Variants in CCDC88C observed in about 807,000 individuals in gnomAD.
The protein encoded by CCDC88C is protein Daple.
CCDC88C carries 131 observed loss-of-function variants against 198.8 expected under a neutral mutation model. That is an observed-to-expected ratio of 0.66 (90% CI 0.57 to 0.76). The LOEUF (loss-of-function observed/expected upper bound fraction) is 0.76, where lower values mean the gene tolerates loss of function less well. Ranked by LOEUF, CCDC88C falls within the 30% of genes least tolerant of loss-of-function variation. The pLI, the probability that CCDC88C is intolerant of heterozygous loss-of-function variation, is 0.00. For missense variants in CCDC88C, 2,553 were observed against 2,631.6 expected (o/e 0.97, Z 0.65); for synonymous variants, 1,166 against 1,114.7 (o/e 1.05, Z -0.92).
chr14:91,272,269 C>G lies in CCDC88C; in HGVS notation c.*356G>C. 3.9e-6 allele frequency: 1 copy of G among 256,814 alleles called. No individual in the cohort carries two copies. Among genetic ancestry groups the G allele is most frequent in the Non-Finnish European group, 7.6e-6 (1 of 131,854 alleles). The allele number at this position is 256,814 out of a possible 1,614,324, so 15.9% of individuals were successfully genotyped here. Reference sequence around the variant, plus strand: ...GTGAGTGTGTGTGTGCTTAACGGAGCTCAACACATTGCAAATGAGTGTTCT... The same window carrying G: ...GTGAGTGTGTGTGTGCTTAACGGAGGTCAACACATTGCAAATGAGTGTTCT... On this transcript the variant is annotated 3_prime_UTR_variant, in exon 30 of 30. Coordinates refer to ENST00000389857, the MANE Select transcript of CCDC88C (RefSeq NM_001080414.4).
rs368124476 is a variant in CCDC88C, at chr14:91,359,603, C to T, written c.340+39G>A. The T allele has an allele frequency of 1.0e-4, 159 of 1,550,164 alleles. No homozygotes were observed. The Middle Eastern group carries it at 1.3e-3, about 13-fold the overall frequency. On this transcript the variant is annotated intron_variant, in intron 4 of 29. Coordinates refer to ENST00000389857, the MANE Select transcript of CCDC88C (RefSeq NM_001080414.4). ...CAGCTGCCCAACGCCATGCCTCTGG[C>T]TGGGCACCACAGGGGAGAAGGGAGC...
intron 5 of CCDC88C, among the ~76,000 whole-genome samples, chr14:91,343,117 G>T (rs916876563): frequency 6.6e-6 from 1 of 152,114 alleles, no homozygotes; most frequent in Non-Finnish European, 1.5e-5. Flanking sequence ...ACCACACCCA[G>T]CTAATGTTTT....
At chr14:91,285,211 G>A (rs1890350052) in intron 25 of CCDC88C, among the ~76,000 whole-genome samples, 1 of 152,196 alleles carries the variant, frequency 6.6e-6, no homozygotes, top group Non-Finnish European at 1.5e-5. Flanking sequence ...CAAAGGAAGA[G>A]GAGAAAAGGG....
rs752245028 is a variant in CCDC88C at position 91,273,176 on chromosome 14, G to C, written c.5536C>G (p.Gln1846Glu). The change falls in exon 30 of 30, where the codon CAA (glutamine) becomes GAA (glutamate). Residue 1846 changes from glutamine to glutamate, a missense_variant. Transcript: ENST00000389857. The surrounding 1 kb of genome is among the most constrained non-coding windows in gnomAD (Gnocchi z 5.6). ...TGGGAGCTGGGGGGTGCGGGGCTTT[G>C]CAGGGTGTGGCTGCCTGTCTCTCTG... is the stretch of plus-strand genomic sequence containing the variant. Reference protein sequence around the residue: ...GGRETGSHTLQSPAPPSSHSL... With the variant: ...GGRETGSHTLESPAPPSSHSL... 4 of 1,579,012 alleles carry C rather than the reference G, an allele frequency of 2.5e-6. No individual in the cohort carries two copies. In the South Asian group the frequency reaches 4.6e-5, roughly 18 times the overall value.
intron 13 of CCDC88C, among the ~76,000 whole-genome samples, chr14:91,316,916 T>C (rs1343258542): frequency 6.6e-6 from 1 of 152,002 alleles, no homozygotes; most frequent in Non-Finnish European, 1.5e-5. Context: ...CCCCAGAGGG[T>C]TTCCTGTCCT....
chr14:91,312,334 G>T (rs60962246), intron 15 of CCDC88C, among the ~76,000 whole-genome samples: 1 of 152,140 alleles, frequency 6.6e-6, no homozygotes, highest in African/African-American at 2.4e-5. Context: ...CCTGCAGTGA[G>T]CTGGGGTCAC....
chr14:91,363,300 G>T (rs1231897464), intron 3 of CCDC88C, among the ~76,000 whole-genome samples: 1 of 147,320 alleles, frequency 6.8e-6, no homozygotes, highest in African/African-American at 2.7e-5. Context: ...TTGGAGAGAG[G>T]GGGTTTCACC....
intron 25 of CCDC88C, among the ~76,000 whole-genome samples, chr14:91,287,959 C>A (rs868190779): frequency 1.3e-5 from 2 of 152,140 alleles, no homozygotes; most frequent in African/African-American, 4.8e-5. Context: ...TTCTAAGACA[C>A]CTTTAACGTC....
chr14:91,414,371 G>A (rs904598629), intron 2 of CCDC88C, among the ~76,000 whole-genome samples: 1 of 152,174 alleles, frequency 6.6e-6, no homozygotes, highest in African/African-American at 2.4e-5. Context: ...GAGGCCAAGG[G>A]TTTGAATCCC....
Position 91,273,019 on chromosome 14 carries a change from G to T in CCDC88C, c.5693C>A (p.Pro1898His). 6.4e-7 allele frequency: 1 copy of T among 1,554,352 alleles called. No homozygotes were observed. Residue 1898 changes from proline (P) to histidine (H), a missense_variant, in exon 30 of 30, where the codon CCC (proline) becomes CAC (histidine). Transcript: ENST00000389857. The surrounding 1 kb of genome is among the most constrained non-coding windows in gnomAD (Gnocchi z 5.6). ...GGGGGCTGTGGCAGACTGATGCAGGGGGGCCAGCCTCTCCTCCTTTGGGGG... is the reference window on the plus strand; with the variant it reads ...GGGGGCTGTGGCAGACTGATGCAGGTGGGCCAGCCTCTCCTCCTTTGGGGG... ...LAPPKEERLA[P>H]LHQSATAPAI... is the part of the protein sequence containing the mutation.
At chr14:91,294,383 A>G in intron 22 of CCDC88C, 65 bp from the exon 23 acceptor site, 1 of 1,567,766 alleles carries the variant, frequency 6.4e-7, no homozygotes, top group Non-Finnish European at 8.7e-7. Context: ...CTGGGAACCT[A>G]GCTCCCAAAG....
At chr14:91,333,733 GGGCCT>G (rs1458391910) in intron 10 of CCDC88C, among the ~76,000 whole-genome samples, 1 of 152,184 alleles carries the variant, frequency 6.6e-6, no homozygotes. Context: ...CAGATTTCTA[GGGCCT>G]GCCCTTACTC....
intron 13 of CCDC88C, among the ~76,000 whole-genome samples, chr14:91,320,048 A>AG (rs1311195936): frequency 1.3e-5 from 2 of 150,950 alleles, no homozygotes; most frequent in African/African-American, 4.9e-5. Context: ...AAAAAAAAAA[A>AG]AAAAGAAATG....
chr14:91,314,600 G>A (rs1452545525), intron 14 of CCDC88C, among the ~76,000 whole-genome samples: 2 of 152,076 alleles, frequency 1.3e-5, no homozygotes, highest in African/African-American at 4.8e-5. Flanking sequence ...CTTATACTTG[G>A]GGTCAGTTCC....
intron 4 of CCDC88C, 119 bp downstream of exon 4, chr14:91,359,523 G>A (rs368437153): frequency 9.5e-6 from 7 of 740,290 alleles, no homozygotes; most frequent in Non-Finnish European, 1.4e-5. Flanking sequence ...TCACCAAAAC[G>A]ATCACGTGTT....
chr14:91,321,872 T>C (rs1892371127), intron 12 of CCDC88C, among the ~76,000 whole-genome samples: 1 of 152,162 alleles, frequency 6.6e-6, no homozygotes, highest in Non-Finnish European at 1.5e-5. Flanking sequence ...TGTATGCAAA[T>C]TACTTTTAAA....
chr14:91,275,818 CTTTTTTTTTTT>C (rs34204634), intron 29 of CCDC88C, among the ~76,000 whole-genome samples: 1 of 82,310 alleles, frequency 1.2e-5, no homozygotes, highest in African/African-American at 5.1e-5. Flanking sequence ...ACCAGTGGTT[CTTTTTTTTTTT>C]TTTTTTTTTT....
intron 4 of CCDC88C, among the ~76,000 whole-genome samples, chr14:91,355,097 C>T (rs963436996): frequency 6.6e-6 from 1 of 152,106 alleles, no homozygotes; most frequent in African/African-American, 2.4e-5. Context: ...GTGGGCTGCT[C>T]GGGCTGCCAT....
At chr14:91,389,730 A>AAT (rs1885370118) in intron 3 of CCDC88C, among the ~76,000 whole-genome samples, 1 of 151,404 alleles carries the variant, frequency 6.6e-6, no homozygotes, top group African/African-American at 2.4e-5. Flanking sequence ...AAAAATAAAA[A>AAT]AAAAAAAAGA....
Sources: allele counts gnomAD v4.1 joint callset (sites outside exome capture counted in the v4.1 genomes callset), GRCh38; gene constraint gnomAD v4.1.1; non-coding constraint Gnocchi (gnomAD v3.1); transcripts MANE v1.5; gene names NCBI Gene and HGNC (gene_info 2026-07-23, HGNC 2026-07-21).